The following CCDC171 variants were observed in gnomAD, a reference collection of about 807,000 sequenced individuals.
CCDC171 encodes the protein coiled-coil domain-containing protein 171.
In CCDC171, 177 loss-of-function variants were observed where a neutral mutation model predicts 168.2. The observed-to-expected ratio is 1.05, with a 90% CI of 0.93 to 1.19. The LOEUF is 1.19. Among genes scored for constraint, CCDC171 ranks in the 50% most tolerant of loss-of-function variants. CCDC171 has a pLI of 0.00. For synonymous variants in CCDC171, 687 were observed against 540.8 expected, an observed-to-expected ratio of 1.27 and a Z score of -3.75; for missense variants, 1,991 against 1,539.0, an observed-to-expected ratio of 1.29 and a Z score of -4.91.
intron 23 of CCDC171, among the ~76,000 whole-genome samples, chr9:15,871,441 T>C (rs1266321262): frequency 6.6e-6 from 1 of 151,348 alleles, no homozygotes; most frequent in Non-Finnish European, 1.5e-5. Flanking sequence ...TAATTCACAC[T>C]AAACTCAGTA....
At chr9:15,628,194 C>G (rs2045332918) in intron 7 of CCDC171, among the ~76,000 whole-genome samples, 2 of 152,144 alleles carry the variant, frequency 1.3e-5, no homozygotes, top group South Asian at 4.1e-4. Flanking sequence ...GTGGGTGCAG[C>G]ACACCGTGCA....
Position 15,846,812 on chromosome 9 carries a change from C to G in CCDC171, c.3378C>G (p.Ile1126Met). ...ACAAGCGTCGACTGGAGGAGAACAT[C>G]CATGATGCAGAGAGTGCCCTCCGCA... ...EQDKRRLEEN[I>M]HDAESALRMA... is the part of the protein sequence containing the mutation. The change falls in exon 22 of 26, where the codon ATC (isoleucine) becomes ATG (methionine). Residue 1126 changes from isoleucine to methionine, a missense_variant. Physicochemically the swap from Ile to Met is conservative, Grantham distance 10. Coordinates refer to ENST00000380701, the MANE Select transcript of CCDC171 (RefSeq NM_173550.4). 6.2e-7 allele frequency: 1 copy of G among 1,610,336 alleles called. No homozygotes were observed. Among genetic ancestry groups the G allele is most frequent in the Non-Finnish European group, 8.5e-7 (1 of 1,178,042 alleles).
At chr9:15,923,628 C>A (rs116607880) in intron 25 of CCDC171, among the ~76,000 whole-genome samples, 3,369 of 151,216 alleles carry the variant, frequency 0.022, 127 homozygotes, top group African/African-American at 0.078. Context: ...TTGAAAAGTG[C>A]AAAGAGTGGA....
At chr9:15,848,108 C>T (rs2060978570) in intron 22 of CCDC171, among the ~76,000 whole-genome samples, 1 of 151,906 alleles carries the variant, frequency 6.6e-6, no homozygotes, top group Non-Finnish European at 1.5e-5. Flanking sequence ...TGAAAATAGG[C>T]TTATAAGACC....
At chr9:15,985,824 C>T (rs1438691018) in intron 3 of CCDC171, among the ~76,000 whole-genome samples, 2 of 152,034 alleles carry the variant, frequency 1.3e-5, no homozygotes, top group African/African-American at 2.4e-5. Flanking sequence ...TTTGACAGAC[C>T]CACCTGGAGC....
intron 10 of CCDC171, among the ~76,000 whole-genome samples, chr9:15,683,477 G>T (rs1369877980): frequency 6.6e-6 from 1 of 151,966 alleles, no homozygotes. Context: ...ACTAAAAAAA[G>T]ATTGATTCTT....
intron 5 of CCDC171, chr9:16,022,708 G>A (rs1833198855): frequency 1.3e-5 from 2 of 152,258 alleles, no homozygotes; most frequent in Non-Finnish European, 2.9e-5. Flanking sequence ...TTGTGGTAAA[G>A]CTTCTTCAGG....
intron 9 of CCDC171, among the ~76,000 whole-genome samples, chr9:15,671,076 A>T (rs538158488): frequency 6.6e-6 from 1 of 152,228 alleles, no homozygotes; most frequent in South Asian, 2.1e-4. Flanking sequence ...TGGGCGACCA[A>T]GTGAGACGCT....
intron 9 of CCDC171, among the ~76,000 whole-genome samples, chr9:15,677,745 G>C (rs1587908416): frequency 6.8e-6 from 1 of 146,440 alleles, no homozygotes; most frequent in South Asian, 2.2e-4. Context: ...TATATATGTG[G>C]TGTGTATTTA....
intron 21 of CCDC171, among the ~76,000 whole-genome samples, chr9:15,814,682 A>G (rs994129416): frequency 4.8e-4 from 73 of 152,114 alleles, no homozygotes; most frequent in African/African-American, 1.5e-3. Flanking sequence ...TATTTTTATT[A>G]TATATAGAAA....
downstream of CCDC171, among the ~76,000 whole-genome samples, chr9:16,062,223 G>A (rs770158029): frequency 6.6e-6 from 1 of 152,116 alleles, no homozygotes; most frequent in Non-Finnish European, 1.5e-5. Context: ...AGAAGGTTAT[G>A]GACAGAGAAA....
At chr9:15,587,615 C>G (rs2041663593) in intron 4 of CCDC171, 2 of 456,266 alleles carry the variant, frequency 4.4e-6, no homozygotes, top group Non-Finnish European at 8.8e-6. Flanking sequence ...GGAGGTTTCC[C>G]AATAAATGAG....
intron 6 of CCDC171, among the ~76,000 whole-genome samples, chr9:16,030,297 A>G (rs1343334149): frequency 6.6e-6 from 1 of 151,888 alleles, no homozygotes; most frequent in Non-Finnish European, 1.5e-5. Flanking sequence ...CAGTCTTTTT[A>G]TTTTCCCGTT....
chr9:15,865,358 C>CAT (rs958863448), intron 23 of CCDC171, among the ~76,000 whole-genome samples: 16 of 147,146 alleles, frequency 1.1e-4, no homozygotes, highest in East Asian at 2.0e-4. Context: ...TACACACACA[C>CAT]ATATATATAT....
In CCDC171 at chr9:15,678,883, A is replaced by C; in HGVS notation, c.1202A>C (p.Glu401Ala). 6.3e-7 allele frequency: 1 copy of C among 1,583,728 alleles called. No individual in the cohort carries two copies. Among genetic ancestry groups the C allele is most frequent in the Non-Finnish European group, 8.6e-7 (1 of 1,169,366 alleles). The change falls in exon 10 of 26, where the codon GAA becomes GCA. Residue 401 changes from glutamate (E) to alanine (A), a missense_variant. Physicochemically the swap from Glu to Ala is moderately radical, Grantham distance 107 (BLOSUM62 -1). Transcript: ENST00000380701. ...YNEKSCSELQ[E>A]ELVMAKKHQA... ...GAAAAAAGTTGCAGTGAATTACAGG[A>C]AGAACTAGTAATGGTAAGGATAAAA...
chr9:15,967,368 C>G (rs953205280), intron 25 of CCDC171, among the ~76,000 whole-genome samples: 1 of 152,158 alleles, frequency 6.6e-6, no homozygotes, highest in Non-Finnish European at 1.5e-5. Flanking sequence ...GAAAAGAGTA[C>G]TATAGAATTT....
the CCDC171 span, among the ~76,000 whole-genome samples, chr9:16,070,442 G>A: frequency 6.6e-5 from 10 of 152,302 alleles, no homozygotes; most frequent in South Asian, 4.1e-4. Context: ...CTCACATTAC[G>A]AGCTCCCTTG....
intron 22 of CCDC171, among the ~76,000 whole-genome samples, 181 bp downstream of exon 22, chr9:15,847,028 T>A (rs2060928033): frequency 6.6e-6 from 1 of 152,158 alleles, no homozygotes; most frequent in South Asian, 2.1e-4. Context: ...AAATGTATAT[T>A]TTATTGAGAA....
intron 21 of CCDC171, among the ~76,000 whole-genome samples, chr9:15,810,043 A>T (rs987971845): frequency 1.3e-5 from 2 of 152,130 alleles, no homozygotes; most frequent in Non-Finnish European, 2.9e-5. Flanking sequence ...GATGAGCTAG[A>T]CACAGAGCAC....
Sources: allele counts gnomAD v4.1 joint callset (sites outside exome capture counted in the v4.1 genomes callset), GRCh38; gene constraint gnomAD v4.1.1; transcripts MANE v1.5; gene names NCBI Gene and HGNC (gene_info 2026-07-23, HGNC 2026-07-21).